Variants in GABPA observed in about 807,000 individuals in gnomAD.
The protein encoded by GABPA is GA-binding protein alpha chain.
GABPA carries 4 observed loss-of-function variants against 59.4 expected under a neutral mutation model. That is an observed-to-expected ratio of 0.07 (90% CI 0.03 to 0.15). The LOEUF (loss-of-function observed/expected upper bound fraction) is 0.15. Ranked by LOEUF, GABPA falls within the 10% of genes least tolerant of loss-of-function variation. The pLI, the probability that GABPA is intolerant of heterozygous loss-of-function variation, is 1.00. For missense variants in GABPA, 251 were observed against 543.8 expected, an observed-to-expected ratio of 0.46 and a Z score of 5.36; for synonymous variants, 164 against 183.1, an observed-to-expected ratio of 0.90 and a Z score of 0.84.
At chr21:25,745,115 T>G in intron 2 of GABPA, 95 bp from the exon 3 acceptor site, 1 of 1,334,174 alleles carries the variant, frequency 7.5e-7, no homozygotes, top group Non-Finnish European at 1.1e-6. Context: ...AGACCAGAAA[T>G]GTGTTTTGGT....
At chr21:25,745,074 C>T in intron 2 of GABPA, 136 bp from the exon 3 acceptor site, 1 of 833,508 alleles carries the variant, frequency 1.2e-6, no homozygotes, top group Non-Finnish European at 1.9e-6. Flanking sequence ...GATGAGCCTG[C>T]CACAGTATCT....
intron 6 of GABPA, among the ~76,000 whole-genome samples, chr21:25,761,075 A>G (rs2035755094): frequency 6.6e-6 from 1 of 152,082 alleles, no homozygotes; most frequent in African/African-American, 2.4e-5. Context: ...TAAAATTCTG[A>G]GGAAAATTTA....
At chr21:25,739,076 A>C (rs1010839197) in intron 1 of GABPA, among the ~76,000 whole-genome samples, 1 of 152,256 alleles carries the variant, frequency 6.6e-6, no homozygotes, top group Non-Finnish European at 1.5e-5. Context: ...AGTCTGCTCC[A>C]TATGCATGCG....
At chr21:25,737,706 A>C (rs2035117355) in intron 1 of GABPA, among the ~76,000 whole-genome samples, 1 of 152,184 alleles carries the variant, frequency 6.6e-6, no homozygotes, top group East Asian at 1.9e-4. Context: ...TATCTTGCCA[A>C]AGTTTCCAGA....
chr21:25,740,579 C>T (rs1392932826), intron 1 of GABPA, among the ~76,000 whole-genome samples: 1 of 152,168 alleles, frequency 6.6e-6, no homozygotes, highest in Non-Finnish European at 1.5e-5. Flanking sequence ...TTTGTGTATT[C>T]TTTAGCATTT....
Position 25,748,409 on chromosome 21 carries a change from C to T in GABPA, c.223-627C>T, listed in dbSNP as rs535282286. ...CTGATGACAGAAAGTGTCTGAAAGT[C>T]AGAATTAATGTTTTATCATCAATTT... On this transcript the variant is annotated intron_variant, in intron 3 of 9. Transcript: ENST00000400075. Among the ~76,000 whole-genome samples, 5 of 152,220 alleles carry T rather than the reference C, an allele frequency of 3.3e-5. No homozygotes were observed. In the South Asian group the frequency reaches 1.0e-3, roughly 32 times the overall value.
chr21:25,736,013 T>G (rs763931441), intron 1 of GABPA, among the ~76,000 whole-genome samples: 3 of 152,218 alleles, frequency 2.0e-5, no homozygotes, highest in Non-Finnish European at 2.9e-5. Context: ...TTCACTCATT[T>G]CAAATCCGCT....
At chr21:25,750,119 G>C (rs1417423774) in intron 4 of GABPA, among the ~76,000 whole-genome samples, 1 of 152,162 alleles carries the variant, frequency 6.6e-6, no homozygotes. Context: ...CAGAGTATCA[G>C]GCATTAAATT....
Position 25,752,063 on chromosome 21 carries a change from G to C in GABPA, c.382G>C (p.Ala128Pro), listed in dbSNP as rs1395701929. ...DTVEVVIDPD[A>P]HHAESEAHLV... ...TGTTGAGGTTGTTATTGATCCAGAT[G>C]CCCACCATGCTGAATCAGAAGCACA... Residue 128 changes from alanine (A) to proline (P), a missense_variant, in exon 5 of 10, where the codon GCC becomes CCC. Physicochemically the swap from Ala to Pro is conservative, Grantham distance 27 (BLOSUM62 -1). Coordinates refer to ENST00000400075, the MANE Select transcript of GABPA (RefSeq NM_002040.4). 6.2e-7 allele frequency: 1 copy of C among 1,604,422 alleles called. No individual in the cohort carries two copies. Among genetic ancestry groups the C allele is most frequent in the Admixed American group, 1.7e-5 (1 of 59,910 alleles).
intron 7 of GABPA, chr21:25,762,908 C>G (rs2035798299): frequency 3.4e-6 from 1 of 297,288 alleles, no homozygotes; most frequent in Non-Finnish European, 6.7e-6. Context: ...ATCATCTGTC[C>G]CATGTGGCAT....
intron 2 of GABPA, among the ~76,000 whole-genome samples, chr21:25,741,925 G>T (rs934817799): frequency 6.6e-6 from 1 of 152,092 alleles, no homozygotes; most frequent in Non-Finnish European, 1.5e-5. Flanking sequence ...CTCCTTTGGG[G>T]CATTTGATTC....
intron 5 of GABPA, 62 bp from the exon 6 acceptor site, chr21:25,757,948 A>G (rs2123551504): frequency 1.0e-6 from 1 of 977,348 alleles, no homozygotes; most frequent in South Asian, 2.3e-5. Context: ...TTGAGAAGTT[A>G]ACTGTAAATT....
intron 7 of GABPA, among the ~76,000 whole-genome samples, chr21:25,763,853 T>A (rs2035823229): frequency 6.6e-6 from 1 of 152,144 alleles, no homozygotes. Flanking sequence ...GTGGTGTGAA[T>A]TCTCATTTGT....
intron 1 of GABPA, among the ~76,000 whole-genome samples, chr21:25,739,057 A>T (rs1051720593): frequency 1.3e-5 from 2 of 152,184 alleles, no homozygotes; most frequent in African/African-American, 2.4e-5. Flanking sequence ...TTGTGAACGG[A>T]GCCTGCGCAG....
intron 5 of GABPA, among the ~76,000 whole-genome samples, chr21:25,757,401 G>A (rs1219700022): frequency 1.3e-5 from 2 of 151,872 alleles, no homozygotes; most frequent in Non-Finnish European, 2.9e-5. Flanking sequence ...GCAAGGCACT[G>A]TTAGGTTCTA....
chr21:25,767,894 C>G (rs533134822), intron 9 of GABPA, among the ~76,000 whole-genome samples: 1 of 152,212 alleles, frequency 6.6e-6, no homozygotes, highest in African/African-American at 2.4e-5. Flanking sequence ...TCAGTCCTTT[C>G]ATTAATAGAC....
chr21:25,765,074 A>AGAT (rs2035858596), intron 9 of GABPA, among the ~76,000 whole-genome samples: 2 of 151,936 alleles, frequency 1.3e-5, no homozygotes, highest in Non-Finnish European at 2.9e-5. Context: ...TTATTTGCAT[A>AGAT]GATGAATTGA....
chr21:25,750,928 T>C (rs1407831570), intron 4 of GABPA, among the ~76,000 whole-genome samples: 1 of 152,216 alleles, frequency 6.6e-6, no homozygotes, highest in Non-Finnish European at 1.5e-5. Context: ...AAAATGATTC[T>C]CTTTAAACTA....
At chr21:25,755,604 G>T (rs1336127881) in intron 5 of GABPA, among the ~76,000 whole-genome samples, 2 of 152,072 alleles carry the variant, frequency 1.3e-5, no homozygotes, top group African/African-American at 4.8e-5. Context: ...CAGGGAGGAG[G>T]TAGAGAAGGT....
Sources: gnomAD v4.1 joint callset for allele counts (sites outside exome capture counted in the v4.1 genomes callset) on GRCh38, gnomAD v4.1.1 for gene constraint, MANE v1.5 for transcripts, NCBI Gene and HGNC (gene_info 2026-07-23, HGNC 2026-07-21) for gene names.